Variants in ROBO2 observed in about 807,000 individuals in gnomAD.
ROBO2 encodes roundabout homolog 2.
In ROBO2, 53 loss-of-function variants were observed where a neutral mutation model predicts 160.8. That is an observed-to-expected ratio of 0.33 (90% CI 0.26 to 0.41). ROBO2 has a LOEUF of 0.41. Ranked by LOEUF, ROBO2 falls within the 10% of genes least tolerant of loss-of-function variation. The probability of loss-of-function intolerance (pLI) is 1.00; values close to 1 mark genes in which losing one functional copy is unlikely to be tolerated. For synonymous variants in ROBO2, 664 were observed against 611.7 expected (o/e 1.09, Z -1.26); for missense variants, 1,577 against 1,722.4 (o/e 0.92, Z 1.49).
intron 2 of ROBO2, among the ~76,000 whole-genome samples, chr3:76,894,136 GA>G (rs34603367): frequency 0.053 from 8,081 of 151,742 alleles, 264 homozygotes; most frequent in South Asian, 0.15. Context: ...TCTGTGGGAG[GA>G]AAAAAAATCT....
At chr3:76,214,425 G>A (rs1323918125) in intron 2 of ROBO2, among the ~76,000 whole-genome samples, 2 of 152,174 alleles carry the variant, frequency 1.3e-5, no homozygotes, top group African/African-American at 4.8e-5. Context: ...AAAGAAAGGG[G>A]TGACAGATGG....
intron 4 of ROBO2, among the ~76,000 whole-genome samples, chr3:77,488,721 T>A (rs2085693663): frequency 6.6e-6 from 1 of 152,184 alleles, no homozygotes; most frequent in Admixed American, 6.5e-5. Context: ...TTATAATTTT[T>A]AAAATTTGTG....
intron 2 of ROBO2, among the ~76,000 whole-genome samples, chr3:77,366,898 C>CCCT (rs1553924926): frequency 6.8e-6 from 1 of 146,280 alleles, no homozygotes; most frequent in Admixed American, 6.8e-5. Context: ...ACAGCACCCC[C>CCCT]CCGACACTCA....
At chr3:77,312,212 G>C (rs1218247545) in intron 2 of ROBO2, among the ~76,000 whole-genome samples, 2 of 152,300 alleles carry the variant, frequency 1.3e-5, no homozygotes, top group Middle Eastern at 6.8e-3. Flanking sequence ...TCTGACACCA[G>C]ATACTACATA....
chr3:76,937,510 T>C lies in ROBO2; in HGVS notation c.110-160504T>C, dbSNP rs2077786876. On this transcript the variant is annotated intron_variant, in intron 2 of 26. Transcript: ENST00000487694. ...TAAGTATATTCTTTTTCTTATGTAA[T>C]TTATTAGTCTGATTAGAAAAACAAT... 2.0e-5 allele frequency among the ~76,000 whole-genome samples: 3 copies of C among 151,858 alleles called. No individual in the cohort carries two copies. The South Asian group carries it at 6.2e-4, about 31-fold the overall frequency.
At chr3:76,440,990 A>G (rs1418304934) in intron 2 of ROBO2, among the ~76,000 whole-genome samples, 1 of 152,276 alleles carries the variant, frequency 6.6e-6, no homozygotes, top group Non-Finnish European at 1.5e-5. Flanking sequence ...GAAAATATGA[A>G]TATTAACATT....
chr3:76,634,616 C>T (rs1376809446), intron 2 of ROBO2, among the ~76,000 whole-genome samples: 4 of 151,514 alleles, frequency 2.6e-5, no homozygotes, highest in Non-Finnish European at 5.9e-5. Context: ...TTAAGGACCA[C>T]TCTAATGGCC....
intron 2 of ROBO2, among the ~76,000 whole-genome samples, chr3:75,984,671 A>G (rs529723997): frequency 6.6e-6 from 1 of 151,582 alleles, no homozygotes; most frequent in South Asian, 2.1e-4. Flanking sequence ...CTATAAGTAC[A>G]TGTATTCGCA....
At chr3:76,924,372 T>A (rs1559711055) in intron 2 of ROBO2, among the ~76,000 whole-genome samples, 1 of 152,196 alleles carries the variant, frequency 6.6e-6, no homozygotes, top group Non-Finnish European at 1.5e-5. Flanking sequence ...CCAAGAAAAC[T>A]GCTTTCCCTC....
intron 2 of ROBO2, among the ~76,000 whole-genome samples, chr3:76,983,319 A>G (rs1377222747): frequency 6.6e-6 from 1 of 152,182 alleles, no homozygotes; most frequent in Non-Finnish European, 1.5e-5. Context: ...CATATTTAAT[A>G]TTTAGAAAAG....
chr3:76,005,856 A>G (rs904978957), intron 2 of ROBO2, among the ~76,000 whole-genome samples: 2 of 152,212 alleles, frequency 1.3e-5, no homozygotes, highest in African/African-American at 4.8e-5. Flanking sequence ...TTGTTTGATG[A>G]CACAACCAAA....
chr3:76,838,081 C>T (rs1318220413), intron 2 of ROBO2, among the ~76,000 whole-genome samples: 2 of 152,006 alleles, frequency 1.3e-5, no homozygotes, highest in African/African-American at 4.8e-5. Flanking sequence ...ATGTCTTTTA[C>T]GGGAACATGG....
intron 2 of ROBO2, among the ~76,000 whole-genome samples, chr3:77,419,291 G>A (rs925666192): frequency 1.7e-4 from 26 of 152,014 alleles, no homozygotes; most frequent in African/African-American, 6.3e-4. Flanking sequence ...TAACCGTCAT[G>A]TATTGAACAT....
rs531596813 is a variant in ROBO2 at position 75,991,037 on chromosome 3, C to G, written c.109+53435C>G. ...AACATTGTCACTCCTGGTTCTTTGACCTTCAAACTGAGCCTGAATTATAGT... is the reference window on the plus strand; with the variant it reads ...AACATTGTCACTCCTGGTTCTTTGAGCTTCAAACTGAGCCTGAATTATAGT... On this transcript the variant is annotated intron_variant, in intron 2 of 26. Transcript: ENST00000487694. Among the ~76,000 whole-genome samples, 3 of 152,306 alleles carry G rather than the reference C, an allele frequency of 2.0e-5. No individual in the cohort carries two copies. The South Asian group carries it at 6.2e-4, about 32-fold the overall frequency.
chr3:76,569,079 T>C (rs1184167362), intron 2 of ROBO2, among the ~76,000 whole-genome samples: 1 of 152,178 alleles, frequency 6.6e-6, no homozygotes, highest in Non-Finnish European at 1.5e-5. Flanking sequence ...CTTTTGAAGA[T>C]GGGTTATTGC....
chr3:77,095,891 A>G (rs2070990790), intron 1 of ROBO2, among the ~76,000 whole-genome samples: 2 of 151,346 alleles, frequency 1.3e-5, no homozygotes, highest in Admixed American at 6.6e-5. Context: ...GTAATTACCT[A>G]TCTAGATGCT....
intron 2 of ROBO2, among the ~76,000 whole-genome samples, chr3:76,111,405 G>A (rs1400092727): frequency 1.3e-5 from 2 of 151,956 alleles, no homozygotes; most frequent in African/African-American, 4.8e-5. Flanking sequence ...CTGGCCTCCA[G>A]AAATATGGGA....
chr3:76,332,105 A>G (rs764272153), intron 2 of ROBO2, among the ~76,000 whole-genome samples: 10 of 152,228 alleles, frequency 6.6e-5, no homozygotes, highest in African/African-American at 1.4e-4. Context: ...CATAGATTGT[A>G]TATTTTGAAT....
At chr3:77,555,410 A>C (rs2093077580) in intron 8 of ROBO2, among the ~76,000 whole-genome samples, 1 of 152,020 alleles carries the variant, frequency 6.6e-6, no homozygotes, top group Non-Finnish European at 1.5e-5. Context: ...TTATAATTCA[A>C]ACATTCATAA....
Sources: gnomAD v4.1 joint callset for allele counts (sites outside exome capture counted in the v4.1 genomes callset) on GRCh38, gnomAD v4.1.1 for gene constraint, MANE v1.5 for transcripts, NCBI Gene and HGNC (gene_info 2026-07-23, HGNC 2026-07-21) for gene names.